NBAS: variants seen among roughly 807,000 people sequenced by gnomAD.
NBAS encodes NAG/BC035112 fusion.
In NBAS, 219 loss-of-function variants were observed where a neutral mutation model predicts 302.5. That is an observed-to-expected ratio of 0.72 (90% CI 0.65 to 0.81). NBAS has a LOEUF of 0.81. NBAS is among the 30% of genes least tolerant of loss of function. NBAS has a pLI of 0.00. For missense variants in NBAS, 2,932 were observed against 2,841.6 expected (o/e 1.03, Z -0.72); for synonymous variants, 1,118 against 1,021.6 (o/e 1.09, Z -1.80).
the NBAS span, among the ~76,000 whole-genome samples, chr2:14,894,867 G>C: frequency 2.0e-5 from 3 of 152,108 alleles, no homozygotes; most frequent in African/African-American, 7.2e-5. Context: ...GACCATACTG[G>C]CTAACATGGT....
the NBAS span, among the ~76,000 whole-genome samples, chr2:15,028,539 A>G: frequency 6.6e-6 from 1 of 152,214 alleles, no homozygotes; most frequent in Non-Finnish European, 1.5e-5. Context: ...ATTTTACTTC[A>G]TTGTACCGGA....
At chr2:15,540,722 GTTTTTTGT>G (rs1434641125) in intron 6 of NBAS, among the ~76,000 whole-genome samples, 1 of 93,598 alleles carries the variant, frequency 1.1e-5, no homozygotes, top group Non-Finnish European at 2.4e-5. Flanking sequence ...GTTTTGTTTT[GTTTTTTGT>G]TTTTTTTTTT....
At chr2:15,026,829 G>T in the NBAS span, among the ~76,000 whole-genome samples, 4 of 152,108 alleles carry the variant, frequency 2.6e-5, no homozygotes. Context: ...AATAAAATAT[G>T]GCTTAAGATG....
chr2:15,007,573 T>C, the NBAS span, among the ~76,000 whole-genome samples: 7 of 152,122 alleles, frequency 4.6e-5, no homozygotes, highest in Non-Finnish European at 8.8e-5. Flanking sequence ...GTATGTAGAG[T>C]TAGTGTAAAG....
chr2:15,488,678 T>C (rs1558384082), intron 12 of NBAS, among the ~76,000 whole-genome samples: 1 of 152,154 alleles, frequency 6.6e-6, no homozygotes, highest in Non-Finnish European at 1.5e-5. Flanking sequence ...ACACTCTGTA[T>C]ACAGAGTGTA....
At chr2:15,499,977 T>C (rs1661430832) in intron 11 of NBAS, among the ~76,000 whole-genome samples, 1 of 152,144 alleles carries the variant, frequency 6.6e-6, no homozygotes, top group Non-Finnish European at 1.5e-5. Context: ...CCAATACCCA[T>C]TTGTTCTTTC....
chr2:15,117,904 C>A, the NBAS span, among the ~76,000 whole-genome samples: 1 of 152,238 alleles, frequency 6.6e-6, no homozygotes. Flanking sequence ...ACAGGCTACA[C>A]AGCCCTTTCA....
chr2:15,263,493 C>T (rs1386331601), intron 44 of NBAS, among the ~76,000 whole-genome samples: 1 of 152,190 alleles, frequency 6.6e-6, no homozygotes, highest in Non-Finnish European at 1.5e-5. Flanking sequence ...TATCCTTTAG[C>T]CAGGTATACA....
At chr2:15,318,856 C>T (rs190216475) in intron 38 of NBAS, among the ~76,000 whole-genome samples, 62 of 152,256 alleles carry the variant, frequency 4.1e-4, no homozygotes, top group Admixed American at 1.1e-3. Flanking sequence ...AGAAGGTTAA[C>T]AAGGATATCC....
At chr2:15,484,972 T>C (rs894378994) in intron 12 of NBAS, among the ~76,000 whole-genome samples, 1 of 152,058 alleles carries the variant, frequency 6.6e-6, no homozygotes, top group Non-Finnish European at 1.5e-5. Context: ...ATCTAAAACA[T>C]CCAAGTGATT....
At chr2:15,270,407 C>T (rs545695905) in intron 44 of NBAS, among the ~76,000 whole-genome samples, 63 of 152,146 alleles carry the variant, frequency 4.1e-4, no homozygotes, top group Non-Finnish European at 7.8e-4. Context: ...TCGAGATCCA[C>T]CCACCTTGGG....
chr2:14,886,415 C>A, the NBAS span, among the ~76,000 whole-genome samples: 1 of 152,228 alleles, frequency 6.6e-6, no homozygotes. Context: ...AGCCTTCCAA[C>A]AAACCTGCAG....
chr2:15,555,989 C>G (rs1292299806), intron 3 of NBAS, among the ~76,000 whole-genome samples: 1 of 150,228 alleles, frequency 6.7e-6, no homozygotes, highest in Non-Finnish European at 1.5e-5. Context: ...TCCTTCCACT[C>G]TCTCTTCCTA....
intron 48 of NBAS, among the ~76,000 whole-genome samples, chr2:15,216,269 T>C (rs985570584): frequency 2.0e-5 from 3 of 151,986 alleles, no homozygotes; most frequent in African/African-American, 4.8e-5. Context: ...ACAGGGAAAA[T>C]GCTCTTACAT....
intron 11 of NBAS, among the ~76,000 whole-genome samples, chr2:15,497,382 G>T (rs1327247948): frequency 6.6e-6 from 1 of 152,152 alleles, no homozygotes; most frequent in African/African-American, 2.4e-5. Context: ...CAAGAAAAAA[G>T]AAGTAGAAAG....
intron 5 of NBAS, among the ~76,000 whole-genome samples, chr2:15,551,797 G>A (rs1409563476): frequency 6.6e-6 from 1 of 152,174 alleles, no homozygotes; most frequent in Non-Finnish European, 1.5e-5. Context: ...ATTTACCGTG[G>A]TCTTTTCATA....
At chr2:14,958,747 T>C in the NBAS span, among the ~76,000 whole-genome samples, 3 of 152,166 alleles carry the variant, frequency 2.0e-5, no homozygotes, top group African/African-American at 7.2e-5. Context: ...ACTTGAAAAG[T>C]AATCAGAGCA....
chr2:14,910,121 G>A, the NBAS span, among the ~76,000 whole-genome samples: 1 of 152,112 alleles, frequency 6.6e-6, no homozygotes, highest in Non-Finnish European at 1.5e-5. Flanking sequence ...TTTCACCTGA[G>A]GTTCATAAAA....
At chr2:14,857,521 T>C in the NBAS span, among the ~76,000 whole-genome samples, 1 of 152,084 alleles carries the variant, frequency 6.6e-6, no homozygotes, top group Non-Finnish European at 1.5e-5. Context: ...GATAAATCCA[T>C]ACATCTACAG....
Sources: gnomAD v4.1 joint callset for allele counts (sites outside exome capture counted in the v4.1 genomes callset) on GRCh38, gnomAD v4.1.1 for gene constraint, MANE v1.5 for transcripts, NCBI Gene and HGNC (gene_info 2026-07-23, HGNC 2026-07-21) for gene names.